Variants in NAALADL2 observed in about 807,000 individuals in gnomAD.
The protein encoded by NAALADL2 is inactive N-acetylated-alpha-linked acidic dipeptidase-like protein 2.
A neutral mutation model predicts 87.2 loss-of-function variants in NAALADL2; 76 were observed. That is an observed-to-expected ratio of 0.87 (90% CI 0.72 to 1.05). The LOEUF (loss-of-function observed/expected upper bound fraction) is 1.05, where lower values mean the gene tolerates loss of function less well. NAALADL2 is among the 50% of genes least tolerant of loss of function. The probability of loss-of-function intolerance (pLI) is 0.00; values close to 1 mark genes in which losing one functional copy is unlikely to be tolerated. For synonymous variants in NAALADL2, 354 were observed against 331.0 expected, an observed-to-expected ratio of 1.07 and a Z score of -0.75; for missense variants, 1,089 against 945.8, an observed-to-expected ratio of 1.15 and a Z score of -1.99.
chr3:174,548,267 A>G (rs962125603), intron 1 of NAALADL2, among the ~76,000 whole-genome samples: 1 of 152,152 alleles, frequency 6.6e-6, no homozygotes, highest in Admixed American at 6.5e-5. Flanking sequence ...TATGTTTTTA[A>G]AGGGTACATA....
At chr3:175,501,418 G>A (rs550665546) in intron 9 of NAALADL2, among the ~76,000 whole-genome samples, 54 of 20,954 alleles carry the variant, frequency 2.6e-3, no homozygotes, top group South Asian at 0.011. Context: ...TTTTCCATAC[G>A]TTTTAGACAC....
intron 2 of NAALADL2, among the ~76,000 whole-genome samples, chr3:174,652,537 G>A (rs1367800822): frequency 6.6e-6 from 1 of 152,086 alleles, no homozygotes; most frequent in African/African-American, 2.4e-5. Flanking sequence ...TGTGTGCAGG[G>A]GAACTGCCCT....
intron 3 of NAALADL2, among the ~76,000 whole-genome samples, chr3:174,751,123 T>C (rs1734777441): frequency 6.6e-6 from 1 of 152,152 alleles, no homozygotes; most frequent in South Asian, 2.1e-4. Flanking sequence ...GATGATAGTG[T>C]GCTTTTGCCT....
At chr3:174,502,673 A>G (rs545984233) in intron 1 of NAALADL2, among the ~76,000 whole-genome samples, 1 of 152,308 alleles carries the variant, frequency 6.6e-6, no homozygotes, top group South Asian at 2.1e-4. Context: ...CCAAATTTTC[A>G]GCAACATTAT....
chr3:175,708,448 T>G (rs140724212), intron 11 of NAALADL2, among the ~76,000 whole-genome samples: 1 of 152,008 alleles, frequency 6.6e-6, no homozygotes, highest in Admixed American at 6.6e-5. Context: ...GCAGTCAGAT[T>G]CAAGAAATAT....
intron 2 of NAALADL2, among the ~76,000 whole-genome samples, chr3:174,594,749 A>G (rs2108594510): frequency 6.6e-6 from 1 of 152,344 alleles, no homozygotes; most frequent in South Asian, 2.1e-4. Context: ...AGAGTGGGGC[A>G]TAGAAATATA....
chr3:175,604,855 A>G lies in NAALADL2; in HGVS notation c.1801-22436A>G, dbSNP rs145907962. ...AATGTTGAAGCACAAGATGGACAAT[A>G]ATGATGAAGACCAATTGGAGGGCTA... On this transcript the variant is annotated intron_variant, in intron 10 of 13. Coordinates refer to ENST00000454872, the MANE Select transcript of NAALADL2 (RefSeq NM_207015.3). 3.7e-3 allele frequency among the ~76,000 whole-genome samples: 569 copies of G among 152,298 alleles called. 3 individuals are homozygous for G. Among genetic ancestry groups the G allele is most frequent in the South Asian group, 0.017 (80 of 4,834 alleles).
intron 1 of NAALADL2, among the ~76,000 whole-genome samples, chr3:174,945,828 G>T (rs572624817): frequency 1.3e-5 from 2 of 151,970 alleles, no homozygotes; most frequent in Non-Finnish European, 2.9e-5. Context: ...CGGGCAGATC[G>T]TGAAGTCAGG....
chr3:175,578,468 C>T (rs1192253435), intron 10 of NAALADL2, among the ~76,000 whole-genome samples: 1 of 152,056 alleles, frequency 6.6e-6, no homozygotes, highest in Admixed American at 6.6e-5. Context: ...CCCATAATAT[C>T]TACCACTTAT....
chr3:175,681,042 G>A (rs2149881453), intron 11 of NAALADL2, among the ~76,000 whole-genome samples: 1 of 152,282 alleles, frequency 6.6e-6, no homozygotes, highest in Admixed American at 6.5e-5. Context: ...AAACCCGGGA[G>A]GTGGAGGTTG....
At chr3:174,967,105 A>G (rs530773693) in intron 1 of NAALADL2, among the ~76,000 whole-genome samples, 47 of 152,310 alleles carry the variant, frequency 3.1e-4, no homozygotes, top group African/African-American at 1.1e-3. Flanking sequence ...TTAAAAATCA[A>G]GTAATAACTG....
intron 1 of NAALADL2, among the ~76,000 whole-genome samples, chr3:174,981,271 A>C (rs1280900637): frequency 6.6e-6 from 1 of 152,056 alleles, no homozygotes; most frequent in African/African-American, 2.4e-5. Flanking sequence ...AGAGAACTCT[A>C]AGCTTAGTCA....
intron 1 of NAALADL2, chr3:175,059,745 T>A: frequency 3.3e-6 from 1 of 298,714 alleles, no homozygotes; most frequent in East Asian, 9.9e-5. Flanking sequence ...TCATCATCTT[T>A]ACTATTTGCA....
In NAALADL2 at chr3:174,671,012, G is replaced by C. The variant is rs541502435; in HGVS notation, c.-114-66629G>C. On this transcript the variant is annotated intron_variant, in intron 2 of 3. Transcript: ENST00000434257. ...CTCTCTCACCCTTTATCCTGCTTTAGCCGTGTAAAATGTGGCTGCTTCCCC... is the reference window on the plus strand; with the variant it reads ...CTCTCTCACCCTTTATCCTGCTTTACCCGTGTAAAATGTGGCTGCTTCCCC... 3.2e-4 allele frequency among the ~76,000 whole-genome samples: 49 copies of C among 152,118 alleles called. No homozygotes were observed. The East Asian group carries it at 9.1e-3, about 28-fold the overall frequency.
chr3:174,781,655 T>C (rs987266894), intron 3 of NAALADL2, among the ~76,000 whole-genome samples: 1 of 151,968 alleles, frequency 6.6e-6, no homozygotes, highest in African/African-American at 2.4e-5. Context: ...AATTAAAAGA[T>C]GGATAGGACT....
At chr3:174,650,522 C>T (rs757770566) in intron 2 of NAALADL2, among the ~76,000 whole-genome samples, 24 of 152,036 alleles carry the variant, frequency 1.6e-4, no homozygotes, top group Non-Finnish European at 3.5e-4. Flanking sequence ...AACTAGTGTT[C>T]AGAACACATT....
chr3:175,146,612 T>C (rs1730782718), intron 2 of NAALADL2, among the ~76,000 whole-genome samples: 1 of 152,156 alleles, frequency 6.6e-6, no homozygotes, highest in African/African-American at 2.4e-5. Flanking sequence ...ACGAACTAGA[T>C]TGTGAAAAAT....
chr3:175,046,676 A>G (rs1056317666), intron 1 of NAALADL2, among the ~76,000 whole-genome samples: 1 of 152,212 alleles, frequency 6.6e-6, no homozygotes, highest in Admixed American at 6.6e-5. Context: ...CTCAGCATAT[A>G]CAAAGGCTTG....
intron 1 of NAALADL2, among the ~76,000 whole-genome samples, chr3:174,937,663 A>C (rs918064876): frequency 3.9e-5 from 6 of 152,102 alleles, no homozygotes; most frequent in Non-Finnish European, 7.4e-5. Flanking sequence ...GCCAGAAGAT[A>C]GTAGTTAGTG....
Sources: gnomAD v4.1 joint callset for allele counts (sites outside exome capture counted in the v4.1 genomes callset) on GRCh38, gnomAD v4.1.1 for gene constraint, MANE v1.5 for transcripts, NCBI Gene and HGNC (gene_info 2026-07-23, HGNC 2026-07-21) for gene names.